The following THSD7B variants were observed in gnomAD, a reference collection of about 807,000 sequenced individuals.
The protein encoded by THSD7B is thrombospondin type-1 domain-containing protein 7B.
Under a neutral mutation model 213.6 loss-of-function variants are expected in THSD7B, and 138 were observed. The ratio of observed to expected loss-of-function variants is 0.65; its 90% CI spans 0.56 to 0.74. The LOEUF is 0.74. THSD7B is among the 30% of genes least tolerant of loss of function. THSD7B has a pLI of 0.00. For synonymous variants in THSD7B, 742 were observed against 687.0 expected (o/e 1.08, Z -1.25); for missense variants, 1,931 against 1,991.5 (o/e 0.97, Z 0.58).
At chr2:136,765,980 C>T (rs1471998987) in intron 1 of THSD7B, among the ~76,000 whole-genome samples, 1 of 152,208 alleles carries the variant, frequency 6.6e-6, no homozygotes, top group East Asian at 1.9e-4. Flanking sequence ...TGAGCACCGA[C>T]CTCATGCAAC....
chr2:137,071,091 C>A (rs1009854722), intron 3 of THSD7B, among the ~76,000 whole-genome samples: 1 of 152,190 alleles, frequency 6.6e-6, no homozygotes, highest in Non-Finnish European at 1.5e-5. Context: ...AATGGAATGG[C>A]TGGGTCAAGT....
intron 12 of THSD7B, among the ~76,000 whole-genome samples, chr2:137,314,914 G>C (rs1191577380): frequency 3.9e-5 from 6 of 152,332 alleles, no homozygotes; most frequent in Middle Eastern, 6.8e-3. Flanking sequence ...CTTCAACGCT[G>C]TCAGACAGGG....
chr2:136,872,294 C>T (rs1683441565), intron 1 of THSD7B, among the ~76,000 whole-genome samples: 1 of 148,642 alleles, frequency 6.7e-6, no homozygotes, highest in East Asian at 2.0e-4. Context: ...GCACATATCC[C>T]CATGGCTTCA....
intron 21 of THSD7B, among the ~76,000 whole-genome samples, chr2:137,654,110 T>C (rs1683188765): frequency 6.6e-6 from 1 of 152,246 alleles, no homozygotes; most frequent in Non-Finnish European, 1.5e-5. Context: ...TTTCTTTCTT[T>C]TTTTCTACTG....
At chr2:137,036,633 G>C (rs1195586471) in intron 2 of THSD7B, among the ~76,000 whole-genome samples, 1 of 152,142 alleles carries the variant, frequency 6.6e-6, no homozygotes. Context: ...GCCTGTAAAA[G>C]AACTGCAAGT....
At chr2:137,490,958 C>A (rs1688593891) in intron 15 of THSD7B, among the ~76,000 whole-genome samples, 1 of 152,148 alleles carries the variant, frequency 6.6e-6, no homozygotes, top group Non-Finnish European at 1.5e-5. Flanking sequence ...CCTTCGTTTA[C>A]ATTTGTGTGT....
intron 5 of THSD7B, among the ~76,000 whole-genome samples, chr2:137,151,047 A>G (rs760668523): frequency 1.3e-5 from 2 of 152,170 alleles, no homozygotes; most frequent in African/African-American, 4.8e-5. Flanking sequence ...GTGAGTATGA[A>G]GGCCTAGGAT....
intron 10 of THSD7B, among the ~76,000 whole-genome samples, chr2:137,255,520 T>C (rs923464641): frequency 1.3e-5 from 2 of 152,130 alleles, no homozygotes; most frequent in African/African-American, 2.4e-5. Flanking sequence ...TTAAGAGGAC[T>C]CCACCCTTGC....
At chr2:137,342,860 C>T (rs1445343098) in intron 12 of THSD7B, among the ~76,000 whole-genome samples, 5 of 151,632 alleles carry the variant, frequency 3.3e-5, no homozygotes, top group Admixed American at 6.6e-5. Flanking sequence ...GGTAAACCAT[C>T]CTTGTATCCC....
chr2:137,317,535 A>C (rs569324786), intron 12 of THSD7B, among the ~76,000 whole-genome samples: 2 of 152,356 alleles, frequency 1.3e-5, no homozygotes, highest in South Asian at 4.1e-4. Context: ...AAATATCTCC[A>C]GAGGAAAAAA....
chr2:137,118,492 A>G (rs1053116706), intron 5 of THSD7B, among the ~76,000 whole-genome samples: 3 of 152,236 alleles, frequency 2.0e-5, no homozygotes, highest in African/African-American at 4.8e-5. Context: ...TATTAAAGCA[A>G]TAAACTATAT....
Position 137,620,706 on chromosome 2 carries a change from C to CT in THSD7B, c.3779_3780insT (p.Gln1261ThrfsTer53). 6.2e-7 allele frequency: 1 copy of CT among 1,613,736 alleles called. No homozygotes were observed. Among genetic ancestry groups the CT allele is most frequent in the Non-Finnish European group, 8.5e-7 (1 of 1,179,694 alleles). ...GGGTGGACGGCTTGGACAGAGTGTT[C>CT]ACAGACCTGTGGCCATGGAGGTATT... On this transcript the variant is annotated frameshift_variant, in exon 20 of 28. Coordinates refer to ENST00000409968, the MANE Select transcript of THSD7B (RefSeq NM_001316349.2). LOFTEE classifies it high-confidence loss of function.
At position 137,620,683 on chromosome 2, in the gene THSD7B, G is replaced by C; in HGVS notation, c.3756G>C (p.Gly1252=). The stretch of plus-strand genomic sequence containing the variant: ...GCGTGGTCAACTGTCAGCTCTCAGG[G>C]TGGACGGCTTGGACAGAGTGTTCAC... ...VECVVNCQLS[G]WTAWTECSQT... is the part of the protein sequence containing the mutation. Residue 1252 remains glycine, a synonymous_variant, in exon 20 of 28, where the codon GGG becomes GGC. Coordinates refer to ENST00000409968, the MANE Select transcript of THSD7B (RefSeq NM_001316349.2). 1 of 1,613,966 alleles carries C rather than the reference G, an allele frequency of 6.2e-7. No homozygotes were observed. The highest frequency in any genetic ancestry group is 8.5e-7 in the Non-Finnish European group (1 of 1,179,842).
At chr2:137,287,484 G>A (rs541496145) in intron 12 of THSD7B, among the ~76,000 whole-genome samples, 29 of 152,096 alleles carry the variant, frequency 1.9e-4, no homozygotes, top group African/African-American at 7.0e-4. Context: ...TTTTGGGGTA[G>A]GATTATATTT....
intron 1 of THSD7B, among the ~76,000 whole-genome samples, chr2:136,847,197 G>A (rs1441261518): frequency 6.6e-6 from 1 of 152,120 alleles, no homozygotes. Flanking sequence ...TACTGGCCGA[G>A]GGGCCAGTAT....
chr2:137,606,012 C>T (rs1004678635), intron 17 of THSD7B, among the ~76,000 whole-genome samples: 3 of 151,680 alleles, frequency 2.0e-5, no homozygotes, highest in Non-Finnish European at 4.4e-5. Context: ...TCATGTTAGC[C>T]AGGATGGTCT....
chr2:137,099,507 A>G (rs1417478620), intron 4 of THSD7B, among the ~76,000 whole-genome samples: 1 of 152,218 alleles, frequency 6.6e-6, no homozygotes, highest in Non-Finnish European at 1.5e-5. Context: ...GCGCTTTAAT[A>G]GAGAGGCCCA....
chr2:137,091,030 T>C (rs1687939264), intron 3 of THSD7B, among the ~76,000 whole-genome samples: 1 of 152,216 alleles, frequency 6.6e-6, no homozygotes, highest in Non-Finnish European at 1.5e-5. Flanking sequence ...CTTTTATTAT[T>C]ATTGTTTTAA....
rs181892450 is a variant in THSD7B, at chr2:136,795,791, C to A, written c.-36+30104C>A. 2.4e-3 allele frequency among the ~76,000 whole-genome samples: 363 copies of A among 151,954 alleles called. 1 individual carries two copies. The highest frequency in any genetic ancestry group is 8.5e-3 in the African/African-American group (352 of 41,476). Reference sequence around the variant, plus strand: ...GAGTATTTTATTATTCTATTTTTCTCTTCTAATCTTTTTAGTTATGCATTA... The same window carrying A: ...GAGTATTTTATTATTCTATTTTTCTATTCTAATCTTTTTAGTTATGCATTA... On this transcript the variant is annotated intron_variant, in intron 1 of 27. Coordinates refer to ENST00000409968, the MANE Select transcript of THSD7B (RefSeq NM_001316349.2).
Sources: allele counts gnomAD v4.1 joint callset (sites outside exome capture counted in the v4.1 genomes callset), GRCh38; gene constraint gnomAD v4.1.1; transcripts MANE v1.5; gene names NCBI Gene and HGNC (gene_info 2026-07-23, HGNC 2026-07-21).